PCDH9: variants seen among roughly 807,000 people sequenced by gnomAD.
The protein encoded by PCDH9 is protocadherin 9.
In PCDH9, 24 loss-of-function variants were observed where a neutral mutation model predicts 70.6. The observed-to-expected ratio is 0.34, with a 90% confidence interval of 0.25 to 0.48. The LOEUF (loss-of-function observed/expected upper bound fraction) is 0.48. PCDH9 is among the 20% of genes least tolerant of loss of function. The pLI is 0.99. For missense variants in PCDH9, 1,281 were observed against 1,503.6 expected (o/e 0.85, Z 2.45); for synonymous variants, 562 against 558.5 (o/e 1.01, Z -0.09).
intron 4 of PCDH9, among the ~76,000 whole-genome samples, chr13:66,617,177 A>G (rs112724837): frequency 0.012 from 1,824 of 152,260 alleles, 34 homozygotes; most frequent in African/African-American, 0.041. Context: ...GCGCCCCCTG[A>G]TTCATGGGTG....
intron 4 of PCDH9, chr13:66,323,573 T>A (rs1291258189): frequency 6.6e-6 from 1 of 152,080 alleles, no homozygotes; most frequent in Non-Finnish European, 1.5e-5. Flanking sequence ...TTCTTTCTTG[T>A]AATTTACATT....
At chr13:66,774,814 C>A (rs1329534649) in intron 3 of PCDH9, among the ~76,000 whole-genome samples, 1 of 152,154 alleles carries the variant, frequency 6.6e-6, no homozygotes, top group Non-Finnish European at 1.5e-5. Flanking sequence ...TAACTTTTTG[C>A]CAGTGTTCAC....
At chr13:66,440,713 C>T (rs1343022809) in intron 4 of PCDH9, among the ~76,000 whole-genome samples, 1 of 152,210 alleles carries the variant, frequency 6.6e-6, no homozygotes, top group East Asian at 1.9e-4. Flanking sequence ...TGCATTTCTT[C>T]TTCCTTTAAT....
intron 3 of PCDH9, among the ~76,000 whole-genome samples, chr13:66,681,651 CT>C (rs1395633959): frequency 6.6e-6 from 1 of 152,028 alleles, no homozygotes; most frequent in Non-Finnish European, 1.5e-5. Context: ...ATGCTAGTTC[CT>C]TTGCCTGACT....
chr13:66,403,033 A>G (rs1379089817), intron 4 of PCDH9, among the ~76,000 whole-genome samples: 5 of 152,204 alleles, frequency 3.3e-5, no homozygotes, highest in Non-Finnish European at 7.3e-5. Flanking sequence ...TAGGTATAAC[A>G]AATGTATCTG....
At position 66,843,788 on chromosome 13, in the gene PCDH9, T is replaced by A. The variant is rs189017519; in HGVS notation, c.3138+59716A>T. 1.4e-4 allele frequency among the ~76,000 whole-genome samples: 22 copies of A among 152,312 alleles called. No individual in the cohort carries two copies. In the East Asian group the frequency reaches 3.9e-3, roughly 27 times the overall value. ...CTTTCAAAGGAACAACCCAGAGGAA[T>A]GAGGTTAAGAGATGGTACCTGCTGG... On this transcript the variant is annotated intron_variant, in intron 3 of 4. Transcript: ENST00000377865.
intron 2 of PCDH9, among the ~76,000 whole-genome samples, chr13:66,908,636 T>C (rs2082404264): frequency 6.6e-6 from 1 of 152,204 alleles, no homozygotes; most frequent in Non-Finnish European, 1.5e-5. Context: ...GTATAGATTC[T>C]TATTATTTCT....
chr13:66,925,537 T>A (rs2082704143), intron 2 of PCDH9, among the ~76,000 whole-genome samples: 1 of 151,936 alleles, frequency 6.6e-6, no homozygotes, highest in Non-Finnish European at 1.5e-5. Flanking sequence ...TCCTGTTCAT[T>A]TCTTAGTTCA....
At chr13:66,681,497 T>C (rs765090627) in intron 3 of PCDH9, among the ~76,000 whole-genome samples, 8 of 152,134 alleles carry the variant, frequency 5.3e-5, no homozygotes, top group Non-Finnish European at 8.8e-5. Flanking sequence ...ACAGGACTTA[T>C]GCAGCCTCCA....
intron 3 of PCDH9, among the ~76,000 whole-genome samples, chr13:66,708,571 A>G (rs1387746554): frequency 6.6e-6 from 1 of 152,124 alleles, no homozygotes. Flanking sequence ...CCTTTAATGA[A>G]ACTAAGGTCA....
intron 3 of PCDH9, among the ~76,000 whole-genome samples, chr13:66,747,900 G>A (rs1402864730): frequency 5.3e-5 from 8 of 152,022 alleles, no homozygotes; most frequent in Admixed American, 6.5e-5. Context: ...GACCTTGTTC[G>A]TTATGTAGTA....
intron 3 of PCDH9, among the ~76,000 whole-genome samples, chr13:66,797,960 G>GTGTGTGT (rs1555270026): frequency 0.051 from 7,533 of 147,204 alleles, 617 homozygotes; most frequent in African/African-American, 0.18. Context: ...TTTCTTGGGG[G>GTGTGTGT]GTGTGTGTGT....
At chr13:67,070,598 T>C (rs2085742101) in intron 2 of PCDH9, among the ~76,000 whole-genome samples, 1 of 152,166 alleles carries the variant, frequency 6.6e-6, no homozygotes, top group Non-Finnish European at 1.5e-5. Flanking sequence ...TGTTGAGCCT[T>C]TCCTGTTTCA....
intron 3 of PCDH9, among the ~76,000 whole-genome samples, chr13:66,645,241 C>T (rs962424845): frequency 6.6e-6 from 1 of 152,078 alleles, no homozygotes; most frequent in African/African-American, 2.4e-5. Flanking sequence ...TATTTTAGTG[C>T]ATGAGTATGA....
chr13:66,404,193 C>T (rs1957239507), intron 4 of PCDH9, among the ~76,000 whole-genome samples: 1 of 152,130 alleles, frequency 6.6e-6, no homozygotes, highest in South Asian at 2.1e-4. Context: ...AGAGGCACTG[C>T]TTACTCCTGG....
At chr13:67,214,548 C>G (rs182667171) in intron 2 of PCDH9, 4 of 152,042 alleles carry the variant, frequency 2.6e-5, no homozygotes, top group Admixed American at 6.6e-5. Context: ...CTAAAAGGAA[C>G]AGAATAATTT....
intron 3 of PCDH9, among the ~76,000 whole-genome samples, chr13:66,779,873 A>ATATATATATGTGTG (rs375882917): frequency 3.3e-4 from 38 of 115,788 alleles, no homozygotes; most frequent in South Asian, 9.0e-4. Flanking sequence ...ATATACATAT[A>ATATATATATGTGTG]TGTGTGTGTG....
intron 2 of PCDH9, among the ~76,000 whole-genome samples, chr13:67,188,287 T>A (rs995899515): frequency 6.6e-6 from 1 of 152,154 alleles, no homozygotes; most frequent in African/African-American, 2.4e-5. Context: ...ATATTTTATG[T>A]CAAATGCAAC....
chr13:66,354,617 A>G (rs1956348561), intron 4 of PCDH9, among the ~76,000 whole-genome samples: 2 of 152,298 alleles, frequency 1.3e-5, no homozygotes, highest in East Asian at 3.9e-4. Context: ...AGAATGCAAA[A>G]GAGTGCAACT....
Sources: allele counts gnomAD v4.1 joint callset (sites outside exome capture counted in the v4.1 genomes callset), GRCh38; gene constraint gnomAD v4.1.1; transcripts MANE v1.5; gene names NCBI Gene and HGNC (gene_info 2026-07-23, HGNC 2026-07-21).